The following CNIH3 variants were observed in gnomAD, a reference collection of about 807,000 sequenced individuals.
CNIH3 encodes the protein protein cornichon homolog 3.
CNIH3 carries 14 observed loss-of-function variants against 24.1 expected under a neutral mutation model. The observed-to-expected ratio is 0.58, with a 90% CI of 0.38 to 0.91. The LOEUF is 0.91. Ranked by LOEUF, CNIH3 falls within the 40% of genes least tolerant of loss-of-function variation. The pLI is 0.00. For missense variants in CNIH3, 178 were observed against 196.8 expected (o/e 0.90, Z 0.57); for synonymous variants, 68 against 73.8 (o/e 0.92, Z 0.40).
chr1:224,600,029 C>T (rs1682141471), intron 3 of CNIH3, among the ~76,000 whole-genome samples: 1 of 152,134 alleles, frequency 6.6e-6, no homozygotes, highest in Admixed American at 6.5e-5. Context: ...TGTTTTCCAA[C>T]AAGTGGGTCC....
At chr1:224,683,066 A>G (rs1430959668) in intron 2 of CNIH3, among the ~76,000 whole-genome samples, 1 of 152,236 alleles carries the variant, frequency 6.6e-6, no homozygotes, top group Non-Finnish European at 1.5e-5. Flanking sequence ...AGCTTCTGTG[A>G]AAGGCCAGTG....
chr1:224,720,311 T>C (rs1289408852), intron 3 of CNIH3, among the ~76,000 whole-genome samples: 1 of 150,798 alleles, frequency 6.6e-6, no homozygotes, highest in Non-Finnish European at 1.5e-5. Flanking sequence ...TGCTGAAGAC[T>C]CAGGCTTACA....
intron 2 of CNIH3, among the ~76,000 whole-genome samples, chr1:224,683,245 C>T (rs1477630214): frequency 2.0e-5 from 3 of 152,072 alleles, no homozygotes; most frequent in African/African-American, 7.2e-5. Flanking sequence ...GAGCCTGGGC[C>T]CTATGAAGCT....
At chr1:224,597,890 G>A (rs934590601) in intron 3 of CNIH3, among the ~76,000 whole-genome samples, 6 of 152,114 alleles carry the variant, frequency 3.9e-5, no homozygotes, top group African/African-American at 7.2e-5. Context: ...AGTAGGGGGC[G>A]GGGACTCAGC....
At chr1:224,682,672 A>T (rs936711673) in intron 2 of CNIH3, among the ~76,000 whole-genome samples, 8 of 152,116 alleles carry the variant, frequency 5.3e-5, no homozygotes, top group African/African-American at 1.9e-4. Context: ...GTCTTTCTGG[A>T]TGTTTTTGTG....
intron 3 of CNIH3, among the ~76,000 whole-genome samples, chr1:224,550,933 T>A (rs2124965811): frequency 6.8e-6 from 1 of 147,144 alleles, no homozygotes; most frequent in Admixed American, 7.0e-5. Context: ...AATTCCCACC[T>A]ATGAGTGAGA....
intron 4 of CNIH3, among the ~76,000 whole-genome samples, chr1:224,582,537 C>T (rs1177331942): frequency 6.6e-6 from 1 of 152,112 alleles, no homozygotes; most frequent in East Asian, 1.9e-4. Context: ...GATCAATCAC[C>T]GCAGAACTTC....
chr1:224,464,149 G>T (rs1676059773), intron 1 of CNIH3, among the ~76,000 whole-genome samples: 1 of 152,072 alleles, frequency 6.6e-6, no homozygotes, highest in Non-Finnish European at 1.5e-5. Flanking sequence ...AATTTTGATG[G>T]AGTTCACTTT....
chr1:224,502,822 G>A (rs1677734323), intron 1 of CNIH3, among the ~76,000 whole-genome samples: 1 of 152,214 alleles, frequency 6.6e-6, no homozygotes, highest in Non-Finnish European at 1.5e-5. Flanking sequence ...AAAGGAAGCC[G>A]TGGATTTAAA....
intron 4 of CNIH3, chr1:224,574,415 T>G: frequency 1.8e-6 from 1 of 569,642 alleles, no homozygotes; most frequent in Non-Finnish European, 3.1e-6. Flanking sequence ...TGGGTGGGGG[T>G]CTGGAGAGTG....
intron 1 of CNIH3, among the ~76,000 whole-genome samples, chr1:224,623,871 C>T (rs915913709): frequency 6.6e-6 from 1 of 152,174 alleles, no homozygotes; most frequent in African/African-American, 2.4e-5. Flanking sequence ...GATTCAAAGG[C>T]TGTGGTGCCT....
intron 1 of CNIH3, among the ~76,000 whole-genome samples, chr1:224,503,698 C>T (rs566265323): frequency 6.6e-6 from 1 of 152,252 alleles, no homozygotes; most frequent in Non-Finnish European, 1.5e-5. Flanking sequence ...GGTCCTCCCC[C>T]AGGAGAGGCA....
chr1:224,435,930 AATACATC>A (rs1162875995), intron 1 of CNIH3: 1 of 152,248 alleles, frequency 6.6e-6, no homozygotes, highest in Non-Finnish European at 1.5e-5. Flanking sequence ...GTTTCTAATT[AATACATC>A]ATACATCGCT....
intron 2 of CNIH3, among the ~76,000 whole-genome samples, chr1:224,533,700 C>T (rs1679170677): frequency 6.6e-6 from 1 of 152,160 alleles, no homozygotes; most frequent in Non-Finnish European, 1.5e-5. Flanking sequence ...GCTCTCCCTG[C>T]ATGTCTGTCC....
At chr1:224,725,160 A>C (rs1011561398) in intron 3 of CNIH3, among the ~76,000 whole-genome samples, 3 of 152,238 alleles carry the variant, frequency 2.0e-5, no homozygotes, top group African/African-American at 7.2e-5. Flanking sequence ...CAGTGAGCCA[A>C]GATCGTGCTA....
At chr1:224,603,221 G>C (rs1682280422) in intron 3 of CNIH3, among the ~76,000 whole-genome samples, 1 of 152,212 alleles carries the variant, frequency 6.6e-6, no homozygotes, top group Non-Finnish European at 1.5e-5. Context: ...ACATAGAGTA[G>C]CTCCTGTGGA....
chr1:224,496,531 C>T (rs1415417574), intron 1 of CNIH3, among the ~76,000 whole-genome samples: 1 of 152,184 alleles, frequency 6.6e-6, no homozygotes, highest in African/African-American at 2.4e-5. Context: ...CCAAGCAAGG[C>T]TGGCCTTGAG....
At chr1:224,660,072 C>T (rs942423952) in intron 1 of CNIH3, among the ~76,000 whole-genome samples, 7 of 152,232 alleles carry the variant, frequency 4.6e-5, no homozygotes, top group East Asian at 1.9e-4. Flanking sequence ...TCATAAATAA[C>T]CTTTCCAAGT....
rs181983166 is a variant in CNIH3, at chr1:224,641,442, G to A, written c.81+24187G>A. 1.6e-3 allele frequency among the ~76,000 whole-genome samples: 242 copies of A among 152,246 alleles called. 1 individual carries two copies. The highest frequency in any genetic ancestry group is 2.7e-3 in the Non-Finnish European group (181 of 68,012). ...TTCATCCCAGGCACCCAGGTGCAAC[G>A]CCCTGGGGTCATCTCCAGAGAACTC... On this transcript the variant is annotated intron_variant, in intron 1 of 5. Transcript: ENST00000272133.
Sources: allele counts gnomAD v4.1 joint callset (sites outside exome capture counted in the v4.1 genomes callset), GRCh38; gene constraint gnomAD v4.1.1; transcripts MANE v1.5; gene names NCBI Gene and HGNC (gene_info 2026-07-23, HGNC 2026-07-21).